The following TRDN variants were observed in gnomAD, a reference collection of about 807,000 sequenced individuals.
TRDN encodes the protein triadin.
In TRDN, 161 loss-of-function variants were observed where a neutral mutation model predicts 149.7. The ratio of observed to expected loss-of-function variants is 1.08; its 90% confidence interval spans 0.95 to 1.23. The LOEUF is 1.23. TRDN is among the 50% of genes most tolerant of loss of function. The probability of loss-of-function intolerance (pLI) is 0.00; values close to 1 mark genes in which losing one functional copy is unlikely to be tolerated. For synonymous variants in TRDN, 294 were observed against 250.5 expected, an observed-to-expected ratio of 1.17 and a Z score of -1.64; for missense variants, 896 against 823.5, an observed-to-expected ratio of 1.09 and a Z score of -1.08.
At chr6:123,493,809 T>G (rs1272063273) in intron 9 of TRDN, among the ~76,000 whole-genome samples, 1 of 152,170 alleles carries the variant, frequency 6.6e-6, no homozygotes, top group Non-Finnish European at 1.5e-5. Flanking sequence ...ACTTACATTG[T>G]CTCTAAATTA....
Position 123,443,313 on chromosome 6 carries a change from G to C in TRDN, c.932-4310C>G, listed in dbSNP as rs539352097. On this transcript the variant is annotated intron_variant, in intron 10 of 40. Transcript: ENST00000334268. ...AGAAAGCTTTGTTTTGAAAATTAAA[G>C]CCTGAGACCATAGGAGGTGGCTTGG... 4.6e-5 allele frequency among the ~76,000 whole-genome samples: 7 copies of C among 151,574 alleles called. No homozygotes were observed. The South Asian group carries it at 1.5e-3, about 32-fold the overall frequency.
At chr6:123,249,376 T>C (rs1162697725) in intron 38 of TRDN, among the ~76,000 whole-genome samples, 1 of 152,032 alleles carries the variant, frequency 6.6e-6, no homozygotes, top group Non-Finnish European at 1.5e-5. Flanking sequence ...TTATGGAGAG[T>C]TCTCAAAGAA....
At chr6:123,339,110 T>G (rs1779976523) in intron 21 of TRDN, among the ~76,000 whole-genome samples, 2 of 152,032 alleles carry the variant, frequency 1.3e-5, no homozygotes, top group Non-Finnish European at 1.5e-5. Flanking sequence ...GTTCAAGTGA[T>G]TCTCCTGCCT....
rs145582100 is a variant in TRDN, at chr6:123,580,890, T to A, written c.23-9758A>T. Among the ~76,000 whole-genome samples, 188 of 152,336 alleles carry A rather than the reference T, an allele frequency of 1.2e-3. 2 individuals carry two copies. The East Asian group carries it at 0.018, about 14-fold the overall frequency. On this transcript the variant is annotated intron_variant, in intron 1 of 40. Transcript: ENST00000334268. Reference sequence around the variant, plus strand: ...CTCTCTTTAAATTATTAGATTATGATACTTTTAATTATTTTAGGTTGAAAA... The same window carrying A: ...CTCTCTTTAAATTATTAGATTATGAAACTTTTAATTATTTTAGGTTGAAAA...
intron 9 of TRDN, among the ~76,000 whole-genome samples, chr6:123,482,278 G>A (rs1446016480): frequency 6.6e-6 from 1 of 152,174 alleles, no homozygotes; most frequent in Admixed American, 6.5e-5. Context: ...TAATAAAGAT[G>A]AGAAAACTTC....
chr6:123,428,485 G>T (rs1166277682), intron 12 of TRDN, among the ~76,000 whole-genome samples: 1 of 152,126 alleles, frequency 6.6e-6, no homozygotes, highest in Non-Finnish European at 1.5e-5. Context: ...TGATGATATT[G>T]TGTGACCTCT....
At chr6:123,307,413 A>G (rs774304635) in intron 24 of TRDN, among the ~76,000 whole-genome samples, 3 of 152,090 alleles carry the variant, frequency 2.0e-5, no homozygotes, top group Non-Finnish European at 2.9e-5. Context: ...TCACCCTATC[A>G]TAAACATGAA....
intron 12 of TRDN, chr6:123,411,805 A>G (rs1773451816): frequency 6.6e-6 from 1 of 152,192 alleles, no homozygotes; most frequent in Admixed American, 6.5e-5. Context: ...TATGGAAAAA[A>G]ACAAAAGGCC....
At chr6:123,316,636 C>A in intron 23 of TRDN, 141 bp from the exon 24 acceptor site, 1 of 572,122 alleles carries the variant, frequency 1.7e-6, no homozygotes, top group Non-Finnish European at 3.0e-6. Context: ...TAGTTATATA[C>A]TGTTATCAAA....
At chr6:123,376,752 TGGTAG>T (rs1781522920) in intron 18 of TRDN, among the ~76,000 whole-genome samples, 1 of 152,164 alleles carries the variant, frequency 6.6e-6, no homozygotes, top group African/African-American at 2.4e-5. Context: ...CCGTGGTTTG[TGGTAG>T]GGTGAGACTA....
At chr6:123,281,413 A>G (rs1365787477) in intron 24 of TRDN, among the ~76,000 whole-genome samples, 2 of 152,074 alleles carry the variant, frequency 1.3e-5, no homozygotes, top group African/African-American at 2.4e-5. Flanking sequence ...ACAGTTCAAT[A>G]AGAGGAAAGT....
At chr6:123,520,765 C>T (rs758776923) in intron 5 of TRDN, among the ~76,000 whole-genome samples, 4 of 152,142 alleles carry the variant, frequency 2.6e-5, no homozygotes, top group Non-Finnish European at 4.4e-5. Flanking sequence ...GAACTGTAAT[C>T]GCTTTCTCAT....
At chr6:123,424,936 C>T (rs1398761473) in intron 12 of TRDN, among the ~76,000 whole-genome samples, 1 of 152,062 alleles carries the variant, frequency 6.6e-6, no homozygotes, top group Non-Finnish European at 1.5e-5. Context: ...AAAACGTTCT[C>T]ATTTTTCAAA....
chr6:123,350,683 C>G (rs1032109964), intron 21 of TRDN: 114 of 803,574 alleles, frequency 1.4e-4, no homozygotes, highest in Non-Finnish European at 1.7e-4. Context: ...TAAAAATATG[C>G]AAAATATCCA....
At chr6:123,535,265 A>G (rs775678305) in intron 4 of TRDN, among the ~76,000 whole-genome samples, 4 of 152,150 alleles carry the variant, frequency 2.6e-5, no homozygotes, top group African/African-American at 7.2e-5. Flanking sequence ...CCTAATAAGA[A>G]AGAATTAGCA....
intron 5 of TRDN, among the ~76,000 whole-genome samples, chr6:123,517,764 C>T (rs943268905): frequency 1.3e-5 from 2 of 152,014 alleles, no homozygotes; most frequent in Admixed American, 1.3e-4. Context: ...CTATTCCATG[C>T]ACTCTTTCCT....
At chr6:123,477,885 A>C (rs1427359240) in intron 9 of TRDN, among the ~76,000 whole-genome samples, 1 of 144,892 alleles carries the variant, frequency 6.9e-6, no homozygotes, top group Non-Finnish European at 1.5e-5. Flanking sequence ...CAGGAAGGGG[A>C]ATATCACACT....
chr6:123,286,835 GAGC>G (rs139947757), intron 24 of TRDN, among the ~76,000 whole-genome samples: 1 of 151,694 alleles, frequency 6.6e-6, no homozygotes, highest in Admixed American at 6.6e-5. Context: ...GTACTTTCCA[GAGC>G]AGCAGCAGCA....
At chr6:123,516,059 C>A (rs1019751537) in intron 6 of TRDN, 82 bp downstream of exon 6, 1 of 1,268,952 alleles carries the variant, frequency 7.9e-7, no homozygotes, top group South Asian at 2.3e-5. Flanking sequence ...ACTGCGTGGT[C>A]ATCTAAAATC....
Sources: allele counts gnomAD v4.1 joint callset (sites outside exome capture counted in the v4.1 genomes callset), GRCh38; gene constraint gnomAD v4.1.1; transcripts MANE v1.5; gene names NCBI Gene and HGNC (gene_info 2026-07-23, HGNC 2026-07-21).